DMXL2: variants seen among roughly 807,000 people sequenced by gnomAD.
DMXL2 encodes the protein dmX-like protein 2.
In DMXL2, 103 loss-of-function variants were observed where a neutral mutation model predicts 331.1. The observed-to-expected ratio is 0.31, with a 90% CI of 0.27 to 0.37. The LOEUF (loss-of-function observed/expected upper bound fraction) is 0.37, where lower values mean the gene tolerates loss of function less well. Among genes scored for constraint, DMXL2 ranks in the 10% least tolerant of loss-of-function variants. DMXL2 has a pLI of 1.00. For missense variants in DMXL2, 3,171 were observed against 3,642.9 expected (o/e 0.87, Z 3.33); for synonymous variants, 1,281 against 1,252.1 (o/e 1.02, Z -0.49).
rs117581932 is a variant in DMXL2 at position 51,607,013 on chromosome 15, C to T, written c.87+15446G>A. Among the ~76,000 whole-genome samples the T allele has an allele frequency of 4.4e-3, 666 of 152,254 alleles. 12 individuals carry two copies. Among genetic ancestry groups the T allele is most frequent in the East Asian group, 0.034 (178 of 5,178 alleles). ...TCCCTACTAAAAATTTAAAAATTAG[C>T]TAGGCATGGTGATGGATGCCTGTAA... On this transcript the variant is annotated intron_variant, in intron 1 of 43. Transcript: ENST00000560891.
rs564721733 is a variant in DMXL2 at position 51,448,057 on chromosome 15, A to C, written c.*927T>G. On this transcript the variant is annotated 3_prime_UTR_variant, in exon 44 of 44. Transcript: ENST00000560891. ...CTAATATTTTACAAGCAAATATTTA[A>C]CTCTGCATAGTTTATACAATAGGCT... is the stretch of plus-strand genomic sequence containing the variant. 6.6e-6 allele frequency: 1 copy of C among 152,668 alleles called. No individual in the cohort carries two copies. The highest frequency in any genetic ancestry group is 1.9e-4 in the East Asian group (1 of 5,204). 9.5% of individuals were successfully genotyped at this position (152,668 alleles called of 1,614,324 possible). A position where few individuals can be genotyped will look rare whatever the true frequency, so the allele number is the denominator to read the frequency against.
chr15:51,575,325 G>C (rs951126988), intron 2 of DMXL2, among the ~76,000 whole-genome samples: 3 of 151,860 alleles, frequency 2.0e-5, no homozygotes, highest in African/African-American at 7.3e-5. Context: ...ACAATTTCTA[G>C]AACACTAAGA....
chr15:51,555,212 G>C (rs750603102), intron 6 of DMXL2, among the ~76,000 whole-genome samples: 46 of 152,278 alleles, frequency 3.0e-4, no homozygotes, highest in Admixed American at 1.6e-3. Context: ...AGATTGTACA[G>C]AAGTGCAGCA....
At position 51,537,526 on chromosome 15, in the gene DMXL2, A is replaced by C; in HGVS notation, c.1579T>G (p.Leu527Val). The change falls in exon 11 of 44, where the codon TTG becomes GTG. Residue 527 changes from leucine (L) to valine (V), a missense_variant. By Grantham distance (32) the Leu-to-Val change is conservative. This residue lies in a region of DMXL2 where 1,674 missense variants were observed against 1,780.2 expected (regional missense o/e 0.94). Transcript: ENST00000560891. Reference protein sequence around the residue: ...GTFLVWHVKYLDEYNPGIFRQ... With the variant: ...GTFLVWHVKYVDEYNPGIFRQ... ...AATATTCCAGGATTATATTCATCCA[A>C]ATACTTCACATGCCACACTAGAAAG... 1 of 1,613,712 alleles carries C rather than the reference A, an allele frequency of 6.2e-7. No individual in the cohort carries two copies. Among genetic ancestry groups the C allele is most frequent in the East Asian group, 2.2e-5 (1 of 44,856 alleles).
Position 51,576,183 on chromosome 15 carries a change from T to TAAAAAAAAAAA in DMXL2, c.88-13_88-3dup, listed in dbSNP as rs3078066. On this transcript the variant is annotated splice_region_variant and splice_polypyrimidine_tract_variant and intron_variant, in intron 1 of 43. Coordinates refer to ENST00000560891, the MANE Select transcript of DMXL2 (RefSeq NM_001378457.1). ...AATATCACAGCCTGATCCATATGCCTAAAAAAAAAAAAAAAAAAAAGTTTT... is the reference window on the plus strand; with the variant it reads ...AATATCACAGCCTGATCCATATGCCTAAAAAAAAAAAAAAAAAAAAAAAAAAAAAAAGTTTT... The TAAAAAAAAAAA allele has an allele frequency of 5.0e-3, 3,168 of 627,394 alleles. 369 individuals carry two copies. The highest frequency in any genetic ancestry group is 5.3e-3 in the Non-Finnish European group (2,607 of 493,550). 38.9% of individuals were successfully genotyped at this position (627,394 alleles called of 1,614,324 possible).
intron 1 of DMXL2, among the ~76,000 whole-genome samples, chr15:51,600,767 T>C (rs2053170523): frequency 6.6e-6 from 1 of 152,048 alleles, no homozygotes. Flanking sequence ...CCAGTATAAG[T>C]TTCCTGTGAG....
At chr15:51,583,106 C>CTTTTTTTTTT (rs57226377) in intron 1 of DMXL2, among the ~76,000 whole-genome samples, 7 of 87,172 alleles carry the variant, frequency 8.0e-5, no homozygotes, top group African/African-American at 1.2e-4. Flanking sequence ...CTTCATTCTT[C>CTTTTTTTTTT]TTTTTTTTTT....
intron 8 of DMXL2, among the ~76,000 whole-genome samples, chr15:51,545,161 T>C (rs1414639831): frequency 1.3e-5 from 2 of 152,116 alleles, no homozygotes; most frequent in African/African-American, 4.8e-5. Context: ...AGGAACAAAA[T>C]AGTCATTTTT....
intron 32 of DMXL2, among the ~76,000 whole-genome samples, chr15:51,463,978 G>A (rs1045605484): frequency 6.6e-6 from 1 of 152,050 alleles, no homozygotes; most frequent in African/African-American, 2.4e-5. Context: ...ACCTAGATTG[G>A]CAGGTAAAAG....
chr15:51,562,027 T>A (rs987259078), intron 6 of DMXL2, among the ~76,000 whole-genome samples: 2 of 152,210 alleles, frequency 1.3e-5, no homozygotes. Context: ...CACAGTTAGA[T>A]AGATGGAATA....
At chr15:51,521,458 AGTAGTGGTAGTG>A (rs1386686704) in intron 13 of DMXL2, among the ~76,000 whole-genome samples, 38 of 146,620 alleles carry the variant, frequency 2.6e-4, no homozygotes, top group African/African-American at 8.6e-4. Context: ...TAGTAGTAGT[AGTAGTGGTAGTG>A]GTAGTAGTAG....
chr15:51,588,157 AG>A (rs1404296958), intron 1 of DMXL2, among the ~76,000 whole-genome samples: 148 of 123,652 alleles, frequency 1.2e-3, no homozygotes, highest in East Asian at 1.2e-3. Context: ...AATATTGTTT[AG>A]GGGTTTTTTT....
At chr15:51,503,608 G>A (rs1445732960) in intron 16 of DMXL2, among the ~76,000 whole-genome samples, 1 of 152,054 alleles carries the variant, frequency 6.6e-6, no homozygotes, top group Non-Finnish European at 1.5e-5. Context: ...TCTTTAATAG[G>A]TACAAACATG....
chr15:51,484,780 T>C (rs2042264875), intron 23 of DMXL2, among the ~76,000 whole-genome samples: 1 of 152,040 alleles, frequency 6.6e-6, no homozygotes, highest in African/African-American at 2.4e-5. Context: ...ATCATAGTCT[T>C]AAGGAAACTC....
At chr15:51,467,928 G>A (rs1393076508) in intron 29 of DMXL2, among the ~76,000 whole-genome samples, 17 of 151,980 alleles carry the variant, frequency 1.1e-4, no homozygotes, top group African/African-American at 2.9e-4. Flanking sequence ...GGGTTTCACC[G>A]TGTTAGCCAG....
At chr15:51,606,359 G>A (rs1253319226) in intron 1 of DMXL2, among the ~76,000 whole-genome samples, 1 of 151,986 alleles carries the variant, frequency 6.6e-6, no homozygotes, top group Non-Finnish European at 1.5e-5. Flanking sequence ...GCTATGCCCA[G>A]CTAATTTCGT....
chr15:51,457,722 G>A (rs531570902), intron 36 of DMXL2: 53 of 365,116 alleles, frequency 1.5e-4, no homozygotes, highest in African/African-American at 1.0e-3. Context: ...AAAGTTTGTT[G>A]TTATCTATGG....
intron 1 of DMXL2, among the ~76,000 whole-genome samples, chr15:51,607,655 T>G (rs1160544321): frequency 6.6e-6 from 1 of 152,154 alleles, no homozygotes; most frequent in African/African-American, 2.4e-5. Flanking sequence ...CCAAGCAGAT[T>G]TTTTAAATGT....
intron 17 of DMXL2, among the ~76,000 whole-genome samples, chr15:51,501,688 G>A (rs746796925): frequency 3.9e-5 from 6 of 152,206 alleles, no homozygotes; most frequent in African/African-American, 9.6e-5. Context: ...TTGGGAGGCC[G>A]AGTGGGCGGA....
Sources: allele counts gnomAD v4.1 joint callset (sites outside exome capture counted in the v4.1 genomes callset), GRCh38; gene constraint gnomAD v4.1.1; regional missense constraint gnomAD v4.1.1; transcripts MANE v1.5; gene names NCBI Gene and HGNC (gene_info 2026-07-23, HGNC 2026-07-21).